PCTP: variants seen among roughly 807,000 people sequenced by gnomAD.
PCTP encodes the protein phosphatidylcholine transfer protein.
PCTP carries 27 observed loss-of-function variants against 31.0 expected under a neutral mutation model. The ratio of observed to expected loss-of-function variants is 0.87; its 90% CI spans 0.64 to 1.20. The LOEUF is 1.20. Among genes scored for constraint, PCTP ranks in the 50% most tolerant of loss-of-function variants. The pLI, the probability that PCTP is intolerant of heterozygous loss-of-function variation, is 0.00. For missense variants in PCTP, 287 were observed against 268.2 expected (o/e 1.07, Z -0.49); for synonymous variants, 108 against 101.2 (o/e 1.07, Z -0.40).
chr17:55,768,851 C>A (rs1162621705), intron 2 of PCTP: 1 of 152,130 alleles, frequency 6.6e-6, no homozygotes. Flanking sequence ...CTCTGCCAAC[C>A]CAGTCATAGT....
At chr17:55,829,891 G>T (rs996052600) in intron 5 of PCTP, among the ~76,000 whole-genome samples, 1 of 152,058 alleles carries the variant, frequency 6.6e-6, no homozygotes. Flanking sequence ...CATGAGTCAT[G>T]GGGCAAATGG....
intron 3 of PCTP, among the ~76,000 whole-genome samples, chr17:55,771,903 C>T (rs1315108265): frequency 2.0e-5 from 3 of 152,134 alleles, no homozygotes; most frequent in African/African-American, 7.2e-5. Flanking sequence ...GCTCTTCAAT[C>T]CCAGCAGCGG....
At chr17:55,814,776 C>T (rs1225009288) in intron 3 of PCTP, among the ~76,000 whole-genome samples, 8 of 152,330 alleles carry the variant, frequency 5.3e-5, no homozygotes, top group Non-Finnish European at 5.9e-5. Context: ...CACAACACCA[C>T]TCAGTTTACT....
intron 3 of PCTP, among the ~76,000 whole-genome samples, chr17:55,802,666 C>A (rs911251644): frequency 1.3e-5 from 2 of 152,160 alleles, no homozygotes; most frequent in Non-Finnish European, 2.9e-5. Context: ...ACATTCAACA[C>A]CCTTTCATGC....
downstream of PCTP, among the ~76,000 whole-genome samples, chr17:55,782,149 G>A (rs964067619): frequency 1.3e-5 from 2 of 152,204 alleles, no homozygotes; most frequent in Non-Finnish European, 2.9e-5. Context: ...CAGGCAGGAG[G>A]CATTGCCCCT....
the PCTP span, among the ~76,000 whole-genome samples, chr17:55,849,610 C>G: frequency 1.3e-5 from 2 of 151,768 alleles, no homozygotes; most frequent in Non-Finnish European, 2.9e-5. Flanking sequence ...GCAACAAGAG[C>G]GAAACTCTGT....
At chr17:55,835,483 T>C (rs531034676) in intron 5 of PCTP, among the ~76,000 whole-genome samples, 25 of 152,354 alleles carry the variant, frequency 1.6e-4, no homozygotes, top group African/African-American at 6.0e-4. Context: ...TTACCTCTTC[T>C]GGCCTCATCA....
At chr17:55,794,861 TAA>T (rs1439097404) in intron 3 of PCTP, among the ~76,000 whole-genome samples, 1 of 151,978 alleles carries the variant, frequency 6.6e-6, no homozygotes, top group African/African-American at 2.4e-5. Flanking sequence ...CCCCAGAGGT[TAA>T]ACACTCTCAT....
chr17:55,827,456 G>A (rs1453239508), downstream of PCTP, among the ~76,000 whole-genome samples: 2 of 152,222 alleles, frequency 1.3e-5, no homozygotes, highest in African/African-American at 4.8e-5. Flanking sequence ...AAACAAGAAT[G>A]CTCAGCTGAT....
At chr17:55,754,875 A>G (rs1193970762) in intron 1 of PCTP, among the ~76,000 whole-genome samples, 1 of 152,112 alleles carries the variant, frequency 6.6e-6, no homozygotes, top group African/African-American at 2.4e-5. Flanking sequence ...GTACTGGAGT[A>G]TGTATGTGGG....
chr17:55,832,125 C>A (rs543990610), intron 5 of PCTP, among the ~76,000 whole-genome samples: 1 of 152,242 alleles, frequency 6.6e-6, no homozygotes, highest in African/African-American at 2.4e-5. Flanking sequence ...CAGAAACACC[C>A]AAGCAAGCTT....
chr17:55,808,780 C>T (rs969897980), intron 3 of PCTP, among the ~76,000 whole-genome samples: 2 of 152,156 alleles, frequency 1.3e-5, no homozygotes, highest in African/African-American at 4.8e-5. Flanking sequence ...AACTGAAGAA[C>T]CCTGGAAGGT....
chr17:55,817,762 C>T (rs1156486675), intron 3 of PCTP, among the ~76,000 whole-genome samples: 3 of 152,202 alleles, frequency 2.0e-5, no homozygotes, highest in Non-Finnish European at 4.4e-5. Context: ...GAAAATGTCG[C>T]ACCTTTTAAT....
chr17:55,775,693 G>T, intron 5 of PCTP: 3 of 1,211,256 alleles, frequency 2.5e-6, no homozygotes, highest in Non-Finnish European at 3.1e-6. Flanking sequence ...AGTAAAGCAA[G>T]TGCTTTCATT....
At chr17:55,821,512 G>T (rs1296726941) in intron 3 of PCTP, among the ~76,000 whole-genome samples, 1 of 152,148 alleles carries the variant, frequency 6.6e-6, no homozygotes, top group Non-Finnish European at 1.5e-5. Flanking sequence ...TCATTGCATG[G>T]CATGTGAATT....
chr17:55,781,420 G>T (rs1911560893), downstream of PCTP, among the ~76,000 whole-genome samples: 1 of 152,104 alleles, frequency 6.6e-6, no homozygotes, highest in Non-Finnish European at 1.5e-5. Context: ...ATCTATGATG[G>T]TGCTGAATAA....
chr17:55,846,561 G>A (rs1000684281), downstream of PCTP, among the ~76,000 whole-genome samples: 3 of 152,178 alleles, frequency 2.0e-5, no homozygotes, highest in South Asian at 6.2e-4. Flanking sequence ...AGGACAGGTG[G>A]AAGGTGGCCA....
At chr17:55,844,184 T>G (rs551654686), downstream of PCTP, among the ~76,000 whole-genome samples, 12 of 152,342 alleles carry the variant, frequency 7.9e-5, no homozygotes, top group East Asian at 2.3e-3. Flanking sequence ...CATGGCAGAA[T>G]AGTTTGTCTT....
chr17:55,792,309 TAATA>T (rs1316551748), intron 3 of PCTP, among the ~76,000 whole-genome samples: 1 of 140,268 alleles, frequency 7.1e-6, no homozygotes, highest in African/African-American at 2.9e-5. Context: ...AGTATAATAA[TAATA>T]AATAAAAAAA....
Sources: gnomAD v4.1 joint callset for allele counts (sites outside exome capture counted in the v4.1 genomes callset) on GRCh38, gnomAD v4.1.1 for gene constraint, MANE v1.5 for transcripts, NCBI Gene and HGNC (gene_info 2026-07-23, HGNC 2026-07-21) for gene names.